DPP6: variants seen among roughly 807,000 people sequenced by gnomAD.
DPP6 encodes the protein A-type potassium channel modulatory protein DPP6.
DPP6 carries 69 observed loss-of-function variants against 122.6 expected under a neutral mutation model. The ratio of observed to expected loss-of-function variants is 0.56; its 90% CI spans 0.46 to 0.69. The LOEUF (loss-of-function observed/expected upper bound fraction) is 0.69, where lower values mean the gene tolerates loss of function less well. Ranked by LOEUF, DPP6 falls within the 30% of genes least tolerant of loss-of-function variation. The pLI is 0.00. For synonymous variants in DPP6, 418 were observed against 433.1 expected (o/e 0.97, Z 0.43); for missense variants, 928 against 1,116.9 (o/e 0.83, Z 2.41).
intron 8 of DPP6, among the ~76,000 whole-genome samples, chr7:154,767,191 C>A (rs1472036533): frequency 6.6e-6 from 1 of 152,178 alleles, no homozygotes; most frequent in Admixed American, 6.5e-5. Context: ...CCGTGGAAAC[C>A]ACTGCAGGGC....
chr7:154,854,666 G>A (rs751213680), intron 17 of DPP6, among the ~76,000 whole-genome samples: 2 of 152,184 alleles, frequency 1.3e-5, no homozygotes, highest in Non-Finnish European at 2.9e-5. Context: ...CTCAAGTTTG[G>A]TCAAGGAGAG....
In DPP6 at chr7:154,252,445, C is replaced by A. The variant is rs193013871; in HGVS notation, c.244-193769C>A. ...TGATACGAACACAAAGCAGACTGAC[C>A]CTTAGTCAGATCTATTATTGTTTTA... On this transcript the variant is annotated intron_variant, in intron 1 of 25. Transcript: ENST00000377770. Among the ~76,000 whole-genome samples, 58 of 152,300 alleles carry A rather than the reference C, an allele frequency of 3.8e-4. No individual in the cohort carries two copies. In the East Asian group the frequency reaches 0.011, roughly 28 times the overall value.
intron 1 of DPP6, among the ~76,000 whole-genome samples, chr7:153,902,405 CAG>C (rs1337013167): frequency 3.9e-5 from 6 of 152,132 alleles, no homozygotes; most frequent in African/African-American, 1.4e-4. Context: ...AACTGGGAGA[CAG>C]GGGTTCTGTC....
chr7:154,217,086 T>C (rs1444159868), intron 1 of DPP6, among the ~76,000 whole-genome samples: 2 of 152,056 alleles, frequency 1.3e-5, no homozygotes, highest in African/African-American at 4.8e-5. Flanking sequence ...GGAAACAGAT[T>C]ACTTTTTTTT....
chr7:154,370,154 T>C (rs1482422346), intron 1 of DPP6, among the ~76,000 whole-genome samples: 2 of 150,388 alleles, frequency 1.3e-5, no homozygotes, highest in African/African-American at 4.9e-5. Context: ...AGCTAATTTT[T>C]GTATTTTTTG....
the DPP6 span, among the ~76,000 whole-genome samples, chr7:153,852,105 C>A: frequency 6.6e-6 from 1 of 152,114 alleles, no homozygotes; most frequent in Non-Finnish European, 1.5e-5. Flanking sequence ...CCTTTCAGTG[C>A]TAGATGAATC....
At chr7:154,581,795 G>A (rs1002147629) in intron 5 of DPP6, among the ~76,000 whole-genome samples, 5 of 152,202 alleles carry the variant, frequency 3.3e-5, no homozygotes, top group African/African-American at 1.2e-4. Flanking sequence ...TGTATTGTGC[G>A]CGGCCATCAG....
intron 1 of DPP6, among the ~76,000 whole-genome samples, chr7:154,373,760 A>G (rs955336398): frequency 3.3e-5 from 5 of 152,092 alleles, no homozygotes; most frequent in Admixed American, 2.6e-4. Context: ...CCGAACGGAA[A>G]CTGCGCTAAT....
chr7:153,783,650 C>G, the DPP6 span, among the ~76,000 whole-genome samples: 5 of 152,142 alleles, frequency 3.3e-5, no homozygotes, highest in Non-Finnish European at 7.4e-5. Context: ...TTTTACTACC[C>G]AAACCCTTTT....
At chr7:153,847,308 T>G in the DPP6 span, among the ~76,000 whole-genome samples, 1 of 152,256 alleles carries the variant, frequency 6.6e-6, no homozygotes. Flanking sequence ...CACTCACTTA[T>G]GGCTATTTTC....
intron 1 of DPP6, among the ~76,000 whole-genome samples, chr7:154,141,610 CCTTT>C (rs903572833): frequency 1.3e-5 from 2 of 152,204 alleles, no homozygotes; most frequent in African/African-American, 2.4e-5. Context: ...GCAACATTTC[CCTTT>C]CTTCTGCTTC....
At chr7:154,497,625 A>G (rs886624644) in intron 3 of DPP6, among the ~76,000 whole-genome samples, 6 of 152,074 alleles carry the variant, frequency 3.9e-5, no homozygotes, top group African/African-American at 1.2e-4. Flanking sequence ...AAGAAAAAAA[A>G]AAAGAAAAGA....
chr7:154,094,889 C>T (rs2150558348), intron 1 of DPP6: 1 of 152,338 alleles, frequency 6.6e-6, no homozygotes, highest in Non-Finnish European at 1.5e-5. Context: ...ACTGGTGAGC[C>T]TTTCTCCCAA....
At chr7:154,465,013 G>C (rs1336691785) in intron 2 of DPP6, among the ~76,000 whole-genome samples, 2 of 152,074 alleles carry the variant, frequency 1.3e-5, no homozygotes, top group Non-Finnish European at 2.9e-5. Flanking sequence ...TAGAAATAAA[G>C]GAGAAAAATT....
intron 7 of DPP6, among the ~76,000 whole-genome samples, chr7:154,713,134 A>G (rs1297749976): frequency 1.3e-5 from 2 of 152,244 alleles, no homozygotes; most frequent in East Asian, 3.9e-4. Context: ...TAAACCTTAA[A>G]GTTCCAAAAA....
the DPP6 span, among the ~76,000 whole-genome samples, chr7:153,794,866 C>A: frequency 6.6e-6 from 1 of 152,136 alleles, no homozygotes; most frequent in Non-Finnish European, 1.5e-5. Flanking sequence ...GGGGTTTCCA[C>A]GTTTGCTTTT....
chr7:154,536,864 C>A (rs1192897585), intron 3 of DPP6, among the ~76,000 whole-genome samples: 1 of 152,142 alleles, frequency 6.6e-6, no homozygotes, highest in Non-Finnish European at 1.5e-5. Context: ...TGTACTGCAA[C>A]AAATAGTTGC....
intron 7 of DPP6, among the ~76,000 whole-genome samples, chr7:154,677,663 G>C (rs181755267): frequency 3.3e-5 from 5 of 152,230 alleles, no homozygotes; most frequent in African/African-American, 1.2e-4. Flanking sequence ...GGAGGAGCGC[G>C]TGGGGAGAAC....
At chr7:153,922,182 G>A (rs566194025) in intron 1 of DPP6, among the ~76,000 whole-genome samples, 1 of 151,066 alleles carries the variant, frequency 6.6e-6, no homozygotes, top group Non-Finnish European at 1.5e-5. Context: ...AACCCAAGTG[G>A]GTGTACTTTT....
Sources: gnomAD v4.1 joint callset for allele counts (sites outside exome capture counted in the v4.1 genomes callset) on GRCh38, gnomAD v4.1.1 for gene constraint, MANE v1.5 for transcripts, NCBI Gene and HGNC (gene_info 2026-07-23, HGNC 2026-07-21) for gene names.